Variants in EYA2 observed in about 807,000 individuals in gnomAD.
EYA2 encodes the protein EYA transcriptional coactivator and phosphatase 2, also known as protein phosphatase EYA2.
Under a neutral mutation model 69.2 loss-of-function variants are expected in EYA2, and 31 were observed. The observed-to-expected ratio is 0.45, with a 90% CI of 0.34 to 0.60. EYA2 has a LOEUF of 0.60. Ranked by LOEUF, EYA2 falls within the 20% of genes least tolerant of loss-of-function variation. EYA2 has a pLI of 0.02. For missense variants in EYA2, 622 were observed against 701.2 expected, an observed-to-expected ratio of 0.89 and a Z score of 1.28; for synonymous variants, 257 against 279.4, an observed-to-expected ratio of 0.92 and a Z score of 0.80.
At chr20:46,972,573 T>C (rs1174243800) in intron 1 of EYA2, among the ~76,000 whole-genome samples, 1 of 152,188 alleles carries the variant, frequency 6.6e-6, no homozygotes, top group African/African-American at 2.4e-5. Flanking sequence ...TTACTCTGTA[T>C]CCTATTCTGC....
Position 47,024,525 on chromosome 20 carries a change from G to A in EYA2, c.415+8228G>A, listed in dbSNP as rs116552675. 2.2e-3 allele frequency among the ~76,000 whole-genome samples: 333 copies of A among 152,322 alleles called. 1 individual carries two copies. The highest frequency in any genetic ancestry group is 7.8e-3 in the African/African-American group (323 of 41,556). ...CACCCATGTGCTCATCAGTTCTCAGGTGGCCACTCAAGGGGAACTGTGAGC... is the reference window on the plus strand; with the variant it reads ...CACCCATGTGCTCATCAGTTCTCAGATGGCCACTCAAGGGGAACTGTGAGC... On this transcript the variant is annotated intron_variant, in intron 5 of 15. Coordinates refer to ENST00000327619, the MANE Select transcript of EYA2 (RefSeq NM_005244.5).
At chr20:46,929,595 A>G (rs1451819127) in intron 1 of EYA2, among the ~76,000 whole-genome samples, 2 of 152,120 alleles carry the variant, frequency 1.3e-5, no homozygotes, top group Non-Finnish European at 2.9e-5. Context: ...GGGTGATGAT[A>G]CAGGGAGTCC....
intron 9 of EYA2, among the ~76,000 whole-genome samples, chr20:47,130,256 A>ATTTTT (rs1392782309): frequency 5.7e-5 from 4 of 69,810 alleles, no homozygotes; most frequent in East Asian, 7.7e-4. Context: ...AAGAAGGTTT[A>ATTTTT]TTTTCTTTTT....
At chr20:47,007,576 A>G (rs1262595601) in intron 4 of EYA2, among the ~76,000 whole-genome samples, 1 of 152,104 alleles carries the variant, frequency 6.6e-6, no homozygotes, top group Non-Finnish European at 1.5e-5. Context: ...AGCAGTGGGT[A>G]ATAGGATGCA....
At chr20:46,913,119 A>G (rs886459851) in intron 1 of EYA2, among the ~76,000 whole-genome samples, 6 of 152,350 alleles carry the variant, frequency 3.9e-5, no homozygotes, top group African/African-American at 1.4e-4. Flanking sequence ...TACTCCCACC[A>G]TGGTCACTTA....
At chr20:46,977,563 C>T (rs1183160177) in intron 1 of EYA2, among the ~76,000 whole-genome samples, 1 of 152,150 alleles carries the variant, frequency 6.6e-6, no homozygotes, top group African/African-American at 2.4e-5. Flanking sequence ...AAGATGAAAT[C>T]AATTAGTGAA....
chr20:47,110,497 C>T (rs2146539479), intron 9 of EYA2, among the ~76,000 whole-genome samples: 1 of 152,286 alleles, frequency 6.6e-6, no homozygotes, highest in Non-Finnish European at 1.5e-5. Flanking sequence ...GCTGTGATTA[C>T]AGGCGTGAGC....
chr20:47,057,448 G>A (rs893907510), intron 5 of EYA2, among the ~76,000 whole-genome samples: 7 of 151,140 alleles, frequency 4.6e-5, no homozygotes, highest in East Asian at 1.9e-4. Flanking sequence ...ACAGGCTCAC[G>A]CCTCTCTACC....
chr20:47,115,138 TGG>T (rs1371178785), intron 9 of EYA2, among the ~76,000 whole-genome samples: 1 of 152,152 alleles, frequency 6.6e-6, no homozygotes. Context: ...TGCTCACAGG[TGG>T]GGCCTCCTGC....
At chr20:47,028,225 C>T (rs774850830) in intron 5 of EYA2, among the ~76,000 whole-genome samples, 2 of 152,218 alleles carry the variant, frequency 1.3e-5, no homozygotes, top group African/African-American at 2.4e-5. Flanking sequence ...CCAGCTGGCA[C>T]GTTGACCTTG....
At chr20:47,088,509 C>T (rs931206340) in intron 7 of EYA2, among the ~76,000 whole-genome samples, 6 of 152,144 alleles carry the variant, frequency 3.9e-5, no homozygotes, top group Admixed American at 2.6e-4. Flanking sequence ...ACTCCCTGAC[C>T]GAGGCCTTCC....
chr20:47,016,192 G>A lies in EYA2; in HGVS notation c.310G>A (p.Glu104Lys). The change falls in exon 5 of 16, where the codon GAA becomes AAA. Residue 104 changes from glutamate (E) to lysine (K), a missense_variant. Transcript: ENST00000327619. ...CTCTTCCTTCAAAGGCATCAAGACA[G>A]AAGACAGCTTGAACCATTCCCCTGG... is the stretch of plus-strand genomic sequence containing the variant. ...YGIPSYSIKTEDSLNHSPGQS... is the reference protein window; with the variant it reads ...YGIPSYSIKTKDSLNHSPGQS... 1 of 1,613,814 alleles carries A rather than the reference G, an allele frequency of 6.2e-7. No homozygotes were observed. The highest frequency in any genetic ancestry group is 8.5e-7 in the Non-Finnish European group (1 of 1,179,746).
intron 5 of EYA2, among the ~76,000 whole-genome samples, chr20:47,061,424 G>A (rs996324477): frequency 4.6e-5 from 7 of 152,022 alleles, no homozygotes; most frequent in Admixed American, 2.6e-4. Context: ...CCAGCTACTC[G>A]GGCGGCCAAG....
chr20:47,013,653 A>T (rs1230434598), intron 4 of EYA2, among the ~76,000 whole-genome samples: 1 of 152,220 alleles, frequency 6.6e-6, no homozygotes, highest in Non-Finnish European at 1.5e-5. Flanking sequence ...GTGTCTGAGC[A>T]TATGGCTTGG....
At chr20:47,051,673 T>C (rs2030336178) in intron 5 of EYA2, among the ~76,000 whole-genome samples, 1 of 152,196 alleles carries the variant, frequency 6.6e-6, no homozygotes, top group South Asian at 2.1e-4. Context: ...CCAGCACCTA[T>C]GACCATGGGA....
chr20:47,034,896 C>T (rs1197076562), intron 5 of EYA2, among the ~76,000 whole-genome samples: 1 of 152,212 alleles, frequency 6.6e-6, no homozygotes, highest in African/African-American at 2.4e-5. Context: ...AGATGCTTCA[C>T]ACCAATCTCT....
intron 5 of EYA2, among the ~76,000 whole-genome samples, chr20:47,062,998 G>C (rs1568754138): frequency 6.6e-6 from 1 of 152,174 alleles, no homozygotes; most frequent in Admixed American, 6.5e-5. Flanking sequence ...CAAAGCCTGG[G>C]AGACAGGCCA....
At chr20:46,983,881 G>T (rs1981002760) in intron 1 of EYA2, among the ~76,000 whole-genome samples, 1 of 152,050 alleles carries the variant, frequency 6.6e-6, no homozygotes, top group African/African-American at 2.4e-5. Context: ...ATCTCTCTGG[G>T]ATCTTGTTCC....
At chr20:47,101,761 T>G (rs2146526162) in intron 9 of EYA2, among the ~76,000 whole-genome samples, 2 of 152,334 alleles carry the variant, frequency 1.3e-5, no homozygotes, top group African/African-American at 4.8e-5. Context: ...AGCTTGGATG[T>G]CAGAGAAGTA....
Sources: allele counts gnomAD v4.1 joint callset (sites outside exome capture counted in the v4.1 genomes callset), GRCh38; gene constraint gnomAD v4.1.1; transcripts MANE v1.5; gene names NCBI Gene and HGNC (gene_info 2026-07-23, HGNC 2026-07-21).